The following IGFBP7 variants were observed in gnomAD, a reference collection of about 807,000 sequenced individuals.
IGFBP7 encodes the protein insulin like growth factor binding protein 7.
Under a neutral mutation model 29.4 loss-of-function variants are expected in IGFBP7, and 31 were observed. That is an observed-to-expected ratio of 1.05 (90% CI 0.79 to 1.42). The LOEUF is 1.42. Among genes scored for constraint, IGFBP7 ranks in the 40% most tolerant of loss-of-function variants. IGFBP7 has a pLI of 0.00. For missense variants in IGFBP7, 393 were observed against 395.5 expected, an observed-to-expected ratio of 0.99 and a Z score of 0.05; for synonymous variants, 172 against 174.9, an observed-to-expected ratio of 0.98 and a Z score of 0.13.
chr4:57,033,978 A>C (rs1237855320), intron 2 of IGFBP7, among the ~76,000 whole-genome samples: 1 of 136,396 alleles, frequency 7.3e-6, no homozygotes, highest in African/African-American at 2.7e-5. Flanking sequence ...TTGAACCTGG[A>C]GGCGGAGGTT....
At chr4:57,036,607 C>CA (rs1303517106) in intron 2 of IGFBP7, among the ~76,000 whole-genome samples, 1 of 152,138 alleles carries the variant, frequency 6.6e-6, no homozygotes, top group East Asian at 1.9e-4. Flanking sequence ...TCGAATCTTT[C>CA]TAGGCTAGGA....
In IGFBP7 at chr4:57,064,396, A is replaced by G. The variant is rs11573074; in HGVS notation, c.476-23463T>C. Among the ~76,000 whole-genome samples the G allele has an allele frequency of 4.8e-3, 738 of 152,352 alleles. 27 individuals carry two copies. Among genetic ancestry groups the G allele is most frequent in the Admixed American group, 0.039 (604 of 15,300 alleles). ...TGCAGAAGTGCAAGTCTGTGTTGACAAGCAATATTTTTATATTGGGAAAAT... is the reference window on the plus strand; with the variant it reads ...TGCAGAAGTGCAAGTCTGTGTTGACGAGCAATATTTTTATATTGGGAAAAT... On this transcript the variant is annotated intron_variant, in intron 1 of 4. Coordinates refer to ENST00000295666, the MANE Select transcript of IGFBP7 (RefSeq NM_001553.3).
rs115417700 is a variant in IGFBP7 at position 57,094,770 on chromosome 4, C to T, written c.475+15107G>A. Among the ~76,000 whole-genome samples the T allele has an allele frequency of 2.6e-3, 391 of 152,340 alleles. 1 individual carries two copies. The highest frequency in any genetic ancestry group is 9.1e-3 in the African/African-American group (379 of 41,580). On this transcript the variant is annotated intron_variant, in intron 1 of 4. Coordinates refer to ENST00000295666, the MANE Select transcript of IGFBP7 (RefSeq NM_001553.3). ...GTTCTCTAATGCTTGTTGCTGAACCCTTGACCATTTCCAAACACTGTCAAT... is the reference window on the plus strand; with the variant it reads ...GTTCTCTAATGCTTGTTGCTGAACCTTTGACCATTTCCAAACACTGTCAAT...
intron 3 of IGFBP7, 103 bp from the exon 4 acceptor site, chr4:57,032,655 G>A: frequency 9.9e-6 from 9 of 907,316 alleles, no homozygotes; most frequent in Non-Finnish European, 1.6e-5. Context: ...ATGACCAGGG[G>A]ATTCATAGCA....
intron 1 of IGFBP7, among the ~76,000 whole-genome samples, chr4:57,073,686 T>G (rs980778800): frequency 6.6e-6 from 1 of 152,030 alleles, no homozygotes; most frequent in Non-Finnish European, 1.5e-5. Flanking sequence ...GAGGTCAGAC[T>G]AGGAGGGGCC....
Position 57,109,872 on chromosome 4 carries a change from C to A in IGFBP7, c.475+5G>T. 6.5e-7 allele frequency: 1 copy of A among 1,539,528 alleles called. No individual in the cohort carries two copies. The highest frequency in any genetic ancestry group is 8.7e-7 in the Non-Finnish European group (1 of 1,148,744). ...AGGGTTGGAGAGGGAAGCGCTCGTG[C>A]CCACCTTGCTCGCAGGTGCCCTTGC... On this transcript the variant is annotated splice_donor_5th_base_variant and intron_variant, in intron 1 of 4. Transcript: ENST00000295666.
rs182551039 is a variant in IGFBP7 at position 57,058,831 on chromosome 4, A to G, written c.476-17898T>C. 2.5e-4 allele frequency among the ~76,000 whole-genome samples: 38 copies of G among 152,350 alleles called. 2 individuals are homozygous for G. The highest frequency in any genetic ancestry group is 8.9e-4 in the African/African-American group (37 of 41,588). On this transcript the variant is annotated intron_variant, in intron 1 of 4. Transcript: ENST00000295666. ...CAGACAACCTACAGAATAGGAGAAA[A>G]TATTTGCAAACTATGCATCTGACAA...
At position 57,059,847 on chromosome 4, in the gene IGFBP7, T is replaced by C. The variant is rs1724759348; in HGVS notation, c.476-18914A>G. Reference sequence around the variant, plus strand: ...TATCCCTATATCTAGAGCACTAACTTGTACTACTGCTTCGTTGAATTAATT... The same window carrying C: ...TATCCCTATATCTAGAGCACTAACTCGTACTACTGCTTCGTTGAATTAATT... On this transcript the variant is annotated intron_variant, in intron 1 of 4. Coordinates refer to ENST00000295666, the MANE Select transcript of IGFBP7 (RefSeq NM_001553.3). 2.0e-5 allele frequency among the ~76,000 whole-genome samples: 3 copies of C among 152,230 alleles called. No homozygotes were observed. In the South Asian group the frequency reaches 6.2e-4, roughly 32 times the overall value.
chr4:57,086,406 C>G (rs921187874), intron 1 of IGFBP7, among the ~76,000 whole-genome samples: 22 of 152,186 alleles, frequency 1.4e-4, no homozygotes, highest in African/African-American at 4.8e-4. Flanking sequence ...GCCCCTTCCA[C>G]CCTTTGGGTC....
At chr4:57,053,651 T>G (rs1452556517) in intron 1 of IGFBP7, among the ~76,000 whole-genome samples, 1 of 152,184 alleles carries the variant, frequency 6.6e-6, no homozygotes, top group Admixed American at 6.5e-5. Context: ...ACCTACACTA[T>G]CATCCTAATA....
chr4:57,060,485 G>C (rs1724773841), intron 1 of IGFBP7, among the ~76,000 whole-genome samples: 2 of 152,190 alleles, frequency 1.3e-5, no homozygotes, highest in Admixed American at 1.3e-4. Context: ...AATCAGGTTT[G>C]AGGTTGAGGA....
At chr4:57,097,524 T>A (rs748334512) in intron 1 of IGFBP7, among the ~76,000 whole-genome samples, 1 of 152,204 alleles carries the variant, frequency 6.6e-6, no homozygotes, top group Non-Finnish European at 1.5e-5. Flanking sequence ...AAGTAGGACA[T>A]CAGCAAGGCA....
intron 1 of IGFBP7, among the ~76,000 whole-genome samples, chr4:57,062,706 A>G (rs1288971430): frequency 6.6e-6 from 1 of 152,236 alleles, no homozygotes; most frequent in Non-Finnish European, 1.5e-5. Flanking sequence ...TTCGTCTTGC[A>G]AATCATTAAA....
chr4:57,046,619 C>A (rs1039950736), intron 1 of IGFBP7, among the ~76,000 whole-genome samples: 1 of 152,144 alleles, frequency 6.6e-6, no homozygotes. Context: ...TAGGGACAAA[C>A]ATCAGGATAG....
chr4:57,094,197 C>G (rs901333524), intron 1 of IGFBP7, among the ~76,000 whole-genome samples: 1 of 152,172 alleles, frequency 6.6e-6, no homozygotes, highest in Non-Finnish European at 1.5e-5. Flanking sequence ...TTACAAAAAG[C>G]AGGCACTGGA....
chr4:57,032,622 C>A (rs1473542444), intron 3 of IGFBP7, 70 bp from the exon 4 acceptor site: 3 of 1,214,680 alleles, frequency 2.5e-6, no homozygotes, highest in South Asian at 1.2e-5. Flanking sequence ...CCAGTGAGGT[C>A]ATTATTTCAT....
At chr4:57,099,313 T>C (rs1485829997) in intron 1 of IGFBP7, among the ~76,000 whole-genome samples, 6 of 152,240 alleles carry the variant, frequency 3.9e-5, no homozygotes, top group African/African-American at 7.2e-5. Context: ...TTATGCTTAA[T>C]TGAGTTCTCA....
chr4:57,056,576 GTC>G (rs1426212897), intron 1 of IGFBP7, among the ~76,000 whole-genome samples: 6 of 152,202 alleles, frequency 3.9e-5, no homozygotes, highest in African/African-American at 1.4e-4. Flanking sequence ...AAATGGGGAT[GTC>G]TCTCTGATCA....
At chr4:57,063,351 T>C (rs540987117) in intron 1 of IGFBP7, among the ~76,000 whole-genome samples, 1 of 152,312 alleles carries the variant, frequency 6.6e-6, no homozygotes, top group African/African-American at 2.4e-5. Flanking sequence ...CCCCATTAGA[T>C]CGTGGGCTCT....
Sources: gnomAD v4.1 joint callset for allele counts (sites outside exome capture counted in the v4.1 genomes callset) on GRCh38, gnomAD v4.1.1 for gene constraint, MANE v1.5 for transcripts, NCBI Gene and HGNC (gene_info 2026-07-23, HGNC 2026-07-21) for gene names.